The following GATAD2A variants were observed in gnomAD, a reference collection of about 807,000 sequenced individuals.
GATAD2A encodes GATA zinc finger domain containing 2A.
Under a neutral mutation model 68.5 loss-of-function variants are expected in GATAD2A, and 12 were observed. The observed-to-expected ratio is 0.18, with a 90% CI of 0.11 to 0.28. The LOEUF (loss-of-function observed/expected upper bound fraction) is 0.28, where lower values mean the gene tolerates loss of function less well. Ranked by LOEUF, GATAD2A falls within the 10% of genes least tolerant of loss-of-function variation. GATAD2A has a pLI of 1.00. For missense variants in GATAD2A, 755 were observed against 868.5 expected (o/e 0.87, Z 1.64); for synonymous variants, 410 against 375.3 (o/e 1.09, Z -1.07).
chr19:19,394,567 T>A (rs2049084217), intron 1 of GATAD2A, among the ~76,000 whole-genome samples: 1 of 151,596 alleles, frequency 6.6e-6, no homozygotes, highest in Admixed American at 6.6e-5. Context: ...TGTCTCAGCC[T>A]CCTGAGTAGC....
At chr19:19,458,569 T>A (rs953487107) in intron 1 of GATAD2A, 4 of 152,168 alleles carry the variant, frequency 2.6e-5, no homozygotes, top group African/African-American at 4.8e-5. Flanking sequence ...CAGTGAGAGA[T>A]GAAGCTCCTG....
chr19:19,464,377 T>C (rs959112630), intron 1 of GATAD2A, among the ~76,000 whole-genome samples: 2 of 152,256 alleles, frequency 1.3e-5, no homozygotes, highest in Non-Finnish European at 1.5e-5. Context: ...TCCTGTGCCC[T>C]GTCCTGTTGG....
chr19:19,505,356 C>G lies in GATAD2A; in HGVS notation c.1787C>G (p.Ala596Gly), dbSNP rs201273478. 53 of 1,613,190 alleles carry G rather than the reference C, an allele frequency of 3.3e-5. No homozygotes were observed. The highest frequency in any genetic ancestry group is 1.1e-4 in the East Asian group (5 of 44,816). Reference sequence around the variant, plus strand: ...TGTTCTGTTGCAGGCGGGACCCTTGCGTTTGTCAGCCCAAGCCTGGCGGTG... The same window carrying G: ...TGTTCTGTTGCAGGCGGGACCCTTGGGTTTGTCAGCCCAAGCCTGGCGGTG... The part of the protein sequence containing the change: ...KTPLSTGGTL[A>G]FVSPSLAVHK... The change falls in exon 12 of 12, where the codon GCG becomes GGG. Residue 596 changes from alanine (A) to glycine (G), a missense_variant. Ala to Gly is a moderately conservative substitution (Grantham distance 60, BLOSUM62 0). Coordinates refer to ENST00000683918, the MANE Select transcript of GATAD2A (RefSeq NM_001384528.1).
chr19:19,439,466 C>T (rs1446544577), intron 1 of GATAD2A, among the ~76,000 whole-genome samples: 6 of 152,068 alleles, frequency 3.9e-5, no homozygotes, highest in Admixed American at 3.9e-4. Context: ...ATGGAGTAGA[C>T]ACTGTTCTAG....
In GATAD2A at chr19:19,496,111, C is replaced by T; in HGVS notation, c.816C>T (p.Pro272=). 6.2e-7 allele frequency: 1 copy of T among 1,613,584 alleles called. No individual in the cohort carries two copies. The highest frequency in any genetic ancestry group is 1.3e-5 in the African/African-American group (1 of 75,048). The change falls in exon 7 of 12, where the codon CCC becomes CCT. Residue 272 remains proline, a synonymous_variant. Transcript: ENST00000683918. ...STGPPPLLLA[P]RASVPSVQIQ... ...GGCCACCGCCCCTCCTCCTGGCCCC[C>T]CGGGCGTCGGTGCCCAGTGTGCAGA...
intron 2 of GATAD2A, among the ~76,000 whole-genome samples, chr19:19,491,252 C>A (rs2059771622): frequency 6.6e-6 from 1 of 152,118 alleles, no homozygotes; most frequent in South Asian, 2.1e-4. Flanking sequence ...ACGTTTGTGA[C>A]CATACTTTGA....
intron 1 of GATAD2A, among the ~76,000 whole-genome samples, chr19:19,439,273 A>T (rs2054713555): frequency 6.6e-6 from 1 of 152,240 alleles, no homozygotes; most frequent in African/African-American, 2.4e-5. Flanking sequence ...TTAAGCAGGC[A>T]CGCACTGCCT....
intron 8 of GATAD2A, among the ~76,000 whole-genome samples, chr19:19,500,474 T>C (rs572939080): frequency 6.9e-6 from 1 of 144,564 alleles, no homozygotes; most frequent in East Asian, 2.1e-4. Context: ...TCGGCACAAA[T>C]ACGCCCAGAC....
chr19:19,415,010 G>A (rs973468105), intron 1 of GATAD2A, among the ~76,000 whole-genome samples: 1 of 151,458 alleles, frequency 6.6e-6, no homozygotes, highest in African/African-American at 2.4e-5. Flanking sequence ...TTAGCTCTTT[G>A]GGAGGCTGAG....
chr19:19,478,639 T>G (rs936774369), intron 2 of GATAD2A, among the ~76,000 whole-genome samples: 2 of 151,174 alleles, frequency 1.3e-5, no homozygotes, highest in Admixed American at 1.3e-4. Flanking sequence ...ATAGCAAAAG[T>G]GTCTCTACTA....
intron 1 of GATAD2A, among the ~76,000 whole-genome samples, chr19:19,430,572 G>T (rs1321336720): frequency 6.6e-6 from 1 of 152,162 alleles, no homozygotes; most frequent in African/African-American, 2.4e-5. Flanking sequence ...TCTAGAGACA[G>T]CACAAGTTTT....
chr19:19,477,855 T>C (rs1281993236), intron 2 of GATAD2A, among the ~76,000 whole-genome samples: 5 of 152,186 alleles, frequency 3.3e-5, no homozygotes, highest in African/African-American at 1.2e-4. Flanking sequence ...AATAGCGTCC[T>C]CACACTGAGG....
intron 1 of GATAD2A, among the ~76,000 whole-genome samples, chr19:19,391,550 A>G (rs1035216274): frequency 1.3e-5 from 2 of 152,184 alleles, no homozygotes; most frequent in Non-Finnish European, 2.9e-5. Flanking sequence ...AAATTATGCT[A>G]TGTCTCTTGT....
chr19:19,402,564 C>G (rs569885259), upstream of GATAD2A: 239 of 150,228 alleles, frequency 1.6e-3, no homozygotes, highest in Middle Eastern at 0.01. Flanking sequence ...TGGCGCATGC[C>G]TGTAGTCCCA....
At chr19:19,389,970 C>T (rs948280349) in intron 1 of GATAD2A, among the ~76,000 whole-genome samples, 14 of 152,084 alleles carry the variant, frequency 9.2e-5, no homozygotes, top group African/African-American at 3.4e-4. Flanking sequence ...CACCATGTTG[C>T]CCAGGCTAGT....
intron 1 of GATAD2A, among the ~76,000 whole-genome samples, chr19:19,455,755 T>G (rs1256508746): frequency 6.6e-6 from 1 of 151,984 alleles, no homozygotes; most frequent in Non-Finnish European, 1.5e-5. Flanking sequence ...CCTCCAAGGG[T>G]CTGGAGGGAC....
At chr19:19,482,032 A>G (rs886161687) in intron 2 of GATAD2A, among the ~76,000 whole-genome samples, 4 of 152,100 alleles carry the variant, frequency 2.6e-5, no homozygotes, top group Non-Finnish European at 4.4e-5. Flanking sequence ...GCTTGAGCCC[A>G]GGAAGTCGAG....
Position 19,502,455 on chromosome 19 carries a change from A to G in GATAD2A, c.1703A>G (p.His568Arg). Residue 568 changes from histidine (H) to arginine (R), a missense_variant, in exon 11 of 12, where the codon CAT (histidine) becomes CGT (arginine). Transcript: ENST00000683918. ...GCCCTGGTCAGCAGGACCGGCAGAC[A>G]TTCTGAGAGAACCGTGAGCGCCGGC... is the stretch of plus-strand genomic sequence containing the variant. The part of the protein sequence containing the change: ...ATALVSRTGR[H>R]SERTVSAGKG... 1.2e-6 allele frequency: 2 copies of G among 1,613,720 alleles called. No homozygotes were observed. The highest frequency in any genetic ancestry group is 1.7e-6 in the Non-Finnish European group (2 of 1,180,030).
chr19:19,429,271 T>A, intron 1 of GATAD2A: 2 of 978,058 alleles, frequency 2.0e-6, no homozygotes, highest in Non-Finnish European at 2.4e-6. Flanking sequence ...AGAGCTTGCC[T>A]GAGTAACAGG....
Sources: gnomAD v4.1 joint callset for allele counts (sites outside exome capture counted in the v4.1 genomes callset) on GRCh38, gnomAD v4.1.1 for gene constraint, MANE v1.5 for transcripts, NCBI Gene and HGNC (gene_info 2026-07-23, HGNC 2026-07-21) for gene names.